MTCL1: variants seen among roughly 807,000 people sequenced by gnomAD.
MTCL1 encodes microtubule crosslinking factor 1, also known as microtubule cross-linking factor 1.
Under a neutral mutation model 141.4 loss-of-function variants are expected in MTCL1, and 79 were observed. The ratio of observed to expected loss-of-function variants is 0.56; its 90% CI spans 0.47 to 0.67. MTCL1 has a LOEUF of 0.67. Ranked by LOEUF, MTCL1 falls within the 30% of genes least tolerant of loss-of-function variation. The probability of loss-of-function intolerance (pLI) is 0.00; values close to 1 mark genes in which losing one functional copy is unlikely to be tolerated. For synonymous variants in MTCL1, 914 were observed against 875.8 expected (o/e 1.04, Z -0.77); for missense variants, 2,177 against 2,113.9 (o/e 1.03, Z -0.59).
At chr18:8,755,203 C>T (rs575811669) in intron 4 of MTCL1, among the ~76,000 whole-genome samples, 3 of 152,352 alleles carry the variant, frequency 2.0e-5, no homozygotes, top group South Asian at 4.2e-4. Context: ...TGCCCAAGGT[C>T]ACACGCGTGA....
At chr18:8,744,314 G>A (rs181726195) in intron 4 of MTCL1, among the ~76,000 whole-genome samples, 1 of 152,338 alleles carries the variant, frequency 6.6e-6, no homozygotes, top group Admixed American at 6.5e-5. Context: ...CCAGTGACAT[G>A]AGTAATAATA....
rs1567983523 is a variant in MTCL1 at position 8,756,409 on chromosome 18, G to GTATATGTGTATATATGTGTATATATGTA, written c.358-21396_358-21369dup. Among the ~76,000 whole-genome samples the GTATATGTGTATATATGTGTATATATGTA allele has an allele frequency of 2.7e-5, 4 of 148,000 alleles. No individual in the cohort carries two copies. The East Asian group carries it at 7.8e-4, about 29-fold the overall frequency. On this transcript the variant is annotated intron_variant, in intron 4 of 16. Transcript: ENST00000359865. ...TATGTGTATATATGTATATATGTGT[G>GTATATGTGTATATATGTGTATATATGTA]TATATGTGTATATATGTGTATATAT...
intron 4 of MTCL1, among the ~76,000 whole-genome samples, chr18:8,772,603 A>T (rs1200791698): frequency 6.6e-6 from 1 of 150,542 alleles, no homozygotes; most frequent in East Asian, 1.9e-4. Context: ...ATTATGTTAT[A>T]TATATGTGTT....
At chr18:8,814,979 C>G (rs1348477717) in intron 12 of MTCL1, among the ~76,000 whole-genome samples, 2 of 152,182 alleles carry the variant, frequency 1.3e-5, no homozygotes, top group African/African-American at 4.8e-5. Flanking sequence ...ACAACAGGTG[C>G]TGGAGAGGAT....
intron 4 of MTCL1, among the ~76,000 whole-genome samples, chr18:8,753,139 CA>C (rs2096380501): frequency 6.6e-6 from 1 of 152,200 alleles, no homozygotes; most frequent in Non-Finnish European, 1.5e-5. Flanking sequence ...TCTTCATGCA[CA>C]TTCATACCTG....
At chr18:8,808,221 A>C (rs2076367468) in intron 11 of MTCL1, among the ~76,000 whole-genome samples, 1 of 152,174 alleles carries the variant, frequency 6.6e-6, no homozygotes, top group Non-Finnish European at 1.5e-5. Flanking sequence ...TGTTTATCTT[A>C]GTCCCCGGCC....
chr18:8,786,260 G>C, intron 7 of MTCL1, 169 bp downstream of exon 6: 1 of 810,116 alleles, frequency 1.2e-6, no homozygotes, highest in Non-Finnish European at 2.1e-6. Flanking sequence ...CACTGGGACA[G>C]GCAGGTGTGC....
intron 1 of MTCL1, among the ~76,000 whole-genome samples, chr18:8,707,927 T>C (rs949433368): frequency 5.9e-5 from 9 of 152,248 alleles, no homozygotes; most frequent in African/African-American, 2.2e-4. Context: ...CTGAGCCTTG[T>C]GGTTATTTTA....
At chr18:8,783,375 C>T (rs2096539251) in intron 5 of MTCL1, among the ~76,000 whole-genome samples, 155 bp from the exon 5 acceptor site, 1 of 152,090 alleles carries the variant, frequency 6.6e-6, no homozygotes, top group South Asian at 2.1e-4. Context: ...TCTGCTTTGT[C>T]TTGGCTGTTT....
At chr18:8,758,349 G>A (rs940367461) in intron 4 of MTCL1, among the ~76,000 whole-genome samples, 6 of 152,110 alleles carry the variant, frequency 3.9e-5, no homozygotes, top group Non-Finnish European at 7.3e-5. Flanking sequence ...TCCCTCAGGA[G>A]TTATGCCAGA....
chr18:8,790,178 A>G (rs917074235), intron 7 of MTCL1, among the ~76,000 whole-genome samples: 3 of 152,252 alleles, frequency 2.0e-5, no homozygotes, highest in African/African-American at 7.2e-5. Flanking sequence ...TTCAAACAGA[A>G]GAGCACGTTT....
At chr18:8,708,201 C>T (rs1382973462) in intron 1 of MTCL1, among the ~76,000 whole-genome samples, 1 of 152,120 alleles carries the variant, frequency 6.6e-6, no homozygotes, top group African/African-American at 2.4e-5. Context: ...TTAGCATAAC[C>T]CCTGACTTAC....
At chr18:8,775,777 TTCCA>T (rs1437661529) in intron 4 of MTCL1, among the ~76,000 whole-genome samples, 5 of 152,162 alleles carry the variant, frequency 3.3e-5, no homozygotes, top group Admixed American at 1.3e-4. Context: ...CTGGGGTTCC[TTCCA>T]CCTTTGTTAG....
chr18:8,718,737 G>T, intron 3 of MTCL1, 89 bp downstream of exon 2: 3 of 1,176,244 alleles, frequency 2.6e-6, no homozygotes, highest in Non-Finnish European at 3.8e-6. Flanking sequence ...TTCCCTGCTT[G>T]TGTCTGTCTC....
At chr18:8,757,410 A>AC (rs755498769) in intron 4 of MTCL1, among the ~76,000 whole-genome samples, 118 of 151,966 alleles carry the variant, frequency 7.8e-4, no homozygotes, top group Admixed American at 1.5e-3. Context: ...AACCAAGGAG[A>AC]CCCCCCAGAC....
intron 4 of MTCL1, among the ~76,000 whole-genome samples, chr18:8,770,827 G>C (rs1243751194): frequency 6.6e-6 from 1 of 152,156 alleles, no homozygotes; most frequent in Non-Finnish European, 1.5e-5. Flanking sequence ...CTGGATCTGA[G>C]AAGTGGATTT....
At chr18:8,804,045 G>A (rs1423094248) in intron 10 of MTCL1, among the ~76,000 whole-genome samples, 1 of 151,952 alleles carries the variant, frequency 6.6e-6, no homozygotes, top group African/African-American at 2.4e-5. Flanking sequence ...CCAAAATCTG[G>A]ATCAAAATTA....
intron 4 of MTCL1, among the ~76,000 whole-genome samples, chr18:8,765,823 C>G (rs912867549): frequency 5.3e-5 from 8 of 152,206 alleles, no homozygotes; most frequent in African/African-American, 1.9e-4. Flanking sequence ...TGAGGTCTGT[C>G]CCAGCAGGGA....
chr18:8,809,357 CA>C, intron 11 of MTCL1: 1 of 1,462,284 alleles, frequency 6.8e-7, no homozygotes, highest in East Asian at 2.5e-5. Context: ...ACATAGGCAA[CA>C]AGCCCAACAG....
Sources: gnomAD v4.1 joint callset for allele counts (sites outside exome capture counted in the v4.1 genomes callset) on GRCh38, gnomAD v4.1.1 for gene constraint, MANE v1.5 for transcripts, NCBI Gene and HGNC (gene_info 2026-07-23, HGNC 2026-07-21) for gene names.